Variants in PRUNE2 observed in about 807,000 individuals in gnomAD.
The protein encoded by PRUNE2 is protein prune homolog 2.
Under a neutral mutation model 252.0 loss-of-function variants are expected in PRUNE2, and 164 were observed. The observed-to-expected ratio is 0.65, with a 90% CI of 0.57 to 0.74. PRUNE2 has a LOEUF of 0.74. Ranked by LOEUF, PRUNE2 falls within the 30% of genes least tolerant of loss-of-function variation. The probability of loss-of-function intolerance (pLI) is 0.00; values close to 1 mark genes in which losing one functional copy is unlikely to be tolerated. For synonymous variants in PRUNE2, 1,292 were observed against 1,350.2 expected, an observed-to-expected ratio of 0.96 and a Z score of 0.94; for missense variants, 3,495 against 3,711.0, an observed-to-expected ratio of 0.94 and a Z score of 1.51.
chr9:76,721,011 A>T (rs1027584319), intron 6 of PRUNE2, among the ~76,000 whole-genome samples: 1 of 152,154 alleles, frequency 6.6e-6, no homozygotes, highest in African/African-American at 2.4e-5. Flanking sequence ...CTGAGGCAGG[A>T]GAAGGGCATA....
chr9:76,655,515 C>G lies in PRUNE2; in HGVS notation c.8277-13G>C, dbSNP rs375061813. ...CTCTGACAGTAGTCTGCAAAAAAAGCAAAGCAAAGCGCGTCAACAACAACT... is the reference window on the plus strand; with the variant it reads ...CTCTGACAGTAGTCTGCAAAAAAAGGAAAGCAAAGCGCGTCAACAACAACT... On this transcript the variant is annotated splice_polypyrimidine_tract_variant and intron_variant, in intron 9 of 18. Transcript: ENST00000376718. 5 of 1,601,534 alleles carry G rather than the reference C, an allele frequency of 3.1e-6. No homozygotes were observed. Among genetic ancestry groups the G allele is most frequent in the Non-Finnish European group, 4.3e-6 (5 of 1,169,964 alleles).
intron 6 of PRUNE2, among the ~76,000 whole-genome samples, chr9:76,735,694 G>C (rs1309894231): frequency 2.0e-5 from 3 of 152,128 alleles, no homozygotes; most frequent in South Asian, 4.1e-4. Flanking sequence ...AATACTTAAA[G>C]AGAAAGTAAA....
chr9:76,891,244 A>C (rs545583055), intron 1 of PRUNE2, among the ~76,000 whole-genome samples: 1 of 152,340 alleles, frequency 6.6e-6, no homozygotes, highest in African/African-American at 2.4e-5. Flanking sequence ...GGAAGAGAGA[A>C]TTTGACAGAA....
chr9:76,797,424 CAT>C (rs2056194943), intron 6 of PRUNE2, among the ~76,000 whole-genome samples: 1 of 151,982 alleles, frequency 6.6e-6, no homozygotes, highest in African/African-American at 2.4e-5. Context: ...TTCTTGGTAA[CAT>C]ATGCATATTT....
In PRUNE2 at chr9:76,856,292, G is replaced by A. The variant is rs74515228; in HGVS notation, c.37-2084C>T. 8.3e-3 allele frequency: 1,267 copies of A among 152,326 alleles called. 5 individuals carry two copies. The highest frequency in any genetic ancestry group is 0.014 in the Non-Finnish European group (960 of 68,072). 9.4% of individuals were successfully genotyped at this position (152,326 alleles called of 1,614,324 possible). ...TCTCAGCGTCCACACAAGTGAGCAC[G>A]GAATTCAGGGAGAAGAGAGAATGAA... On this transcript the variant is annotated intron_variant, in intron 1 of 18. Coordinates refer to ENST00000376718, the MANE Select transcript of PRUNE2 (RefSeq NM_015225.3).
chr9:76,816,776 T>C lies in PRUNE2; in HGVS notation c.756+6856A>G, dbSNP rs559403895. On this transcript the variant is annotated intron_variant, in intron 6 of 18. Coordinates refer to ENST00000376718, the MANE Select transcript of PRUNE2 (RefSeq NM_015225.3). ...TTCACTAACTGACTGGGATGCTCTA[T>C]ATTTTGAACACAAATTTGAAAAGGC... Among the ~76,000 whole-genome samples, 35 of 152,348 alleles carry C rather than the reference T, an allele frequency of 2.3e-4. 2 individuals are homozygous for C. The South Asian group carries it at 7.0e-3, about 31-fold the overall frequency.
At chr9:76,627,540 C>T (rs886154578) in intron 16 of PRUNE2, among the ~76,000 whole-genome samples, 2 of 152,108 alleles carry the variant, frequency 1.3e-5, no homozygotes, top group Non-Finnish European at 2.9e-5. Flanking sequence ...GGGTTGAAGC[C>T]GTCATTAGGA....
At chr9:76,798,800 T>C (rs950397013) in intron 6 of PRUNE2, among the ~76,000 whole-genome samples, 1 of 152,160 alleles carries the variant, frequency 6.6e-6, no homozygotes, top group Non-Finnish European at 1.5e-5. Context: ...AAGGGTCCTA[T>C]ACTAAACGGT....
rs780003954 is a variant in PRUNE2 at position 76,705,236 on chromosome 9, T to A, written c.7038A>T (p.Glu2346Asp). The A allele has an allele frequency of 2.5e-6, 4 of 1,614,040 alleles. No individual in the cohort carries two copies. Among genetic ancestry groups the A allele is most frequent in the Non-Finnish European group, 2.5e-6 (3 of 1,179,902 alleles). Residue 2346 changes from glutamate (E) to aspartate (D), a missense_variant, in exon 8 of 19, where the codon GAA (glutamate) becomes GAT (aspartate). Transcript: ENST00000376718. ...CATATTCAAAATCACCCCACGAGGC[T>A]TCAGATGAGCAGATATCTTGCTTCC... ...DLGKQDICSSEASWGDFEYDV... is the reference protein window; with the variant it reads ...DLGKQDICSSDASWGDFEYDV...
chr9:76,645,152 T>G, intron 11 of PRUNE2: 1 of 411,212 alleles, frequency 2.4e-6, no homozygotes, highest in Non-Finnish European at 4.4e-6. Flanking sequence ...ACCACATCCA[T>G]TGCTAAGGCC....
chr9:76,668,880 T>C (rs1388495941), intron 9 of PRUNE2, among the ~76,000 whole-genome samples: 1 of 149,774 alleles, frequency 6.7e-6, no homozygotes, highest in Non-Finnish European at 1.5e-5. Flanking sequence ...CGCTCACAAT[T>C]CTGGAGGTTG....
intron 14 of PRUNE2, 89 bp from the exon 15 acceptor site, chr9:76,636,646 A>G (rs1840188441): frequency 6.7e-6 from 5 of 746,452 alleles, no homozygotes; most frequent in South Asian, 5.1e-5. Context: ...ATAAGAATAT[A>G]TATAATTTAA....
chr9:76,707,540 T>C lies in PRUNE2; in HGVS notation c.4734A>G (p.Glu1578=), dbSNP rs750501755. The change falls in exon 8 of 19, where the codon GAA becomes GAG. Residue 1578 remains glutamate (E), a synonymous_variant. Transcript: ENST00000376718. ...TTAGTTCAGATTCTTGGTGATTCTG[T>C]TCACTCCAGTTGCCTTGGTTTTCTT... ...YQEENQGNWS[E]QNHQESELIT... 2.5e-6 allele frequency: 4 copies of C among 1,613,980 alleles called. No homozygotes were observed. The South Asian group carries it at 4.4e-5, about 18-fold the overall frequency.
chr9:76,834,609 T>C (rs1245418237), intron 4 of PRUNE2, among the ~76,000 whole-genome samples: 1 of 152,196 alleles, frequency 6.6e-6, no homozygotes, highest in Non-Finnish European at 1.5e-5. Flanking sequence ...TAACAGATAT[T>C]ACATTAAACA....
chr9:76,703,307 G>GA (rs751833942), intron 9 of PRUNE2, 30 bp downstream of exon 9: 19 of 1,533,966 alleles, frequency 1.2e-5, no homozygotes, highest in Middle Eastern at 3.5e-4. Context: ...TGCTTTTCAG[G>GA]AAAAAAAATA....
chr9:76,843,859 G>A (rs1394968355), intron 4 of PRUNE2, among the ~76,000 whole-genome samples: 1 of 151,392 alleles, frequency 6.6e-6, no homozygotes, highest in East Asian at 2.0e-4. Flanking sequence ...CTCCCAAGTA[G>A]CTGGGATTAC....
chr9:76,786,526 T>C (rs1459015587), intron 6 of PRUNE2: 1 of 152,244 alleles, frequency 6.6e-6, no homozygotes, highest in Non-Finnish European at 1.5e-5. Context: ...GCTCTCCTCT[T>C]GACACATATT....
chr9:76,878,844 A>C (rs762795628), intron 1 of PRUNE2, among the ~76,000 whole-genome samples: 12 of 152,254 alleles, frequency 7.9e-5, no homozygotes, highest in Non-Finnish European at 1.5e-4. Context: ...AATTATACAA[A>C]GACTTCCCTT....
At chr9:76,694,313 G>A (rs2045158913) in intron 9 of PRUNE2, among the ~76,000 whole-genome samples, 1 of 152,082 alleles carries the variant, frequency 6.6e-6, no homozygotes, top group African/African-American at 2.4e-5. Flanking sequence ...TTCCTGAGTA[G>A]CTGGGATTCC....
Sources: allele counts gnomAD v4.1 joint callset (sites outside exome capture counted in the v4.1 genomes callset), GRCh38; gene constraint gnomAD v4.1.1; transcripts MANE v1.5; gene names NCBI Gene and HGNC (gene_info 2026-07-23, HGNC 2026-07-21).